OR4Q3: variants seen among roughly 807,000 people sequenced by gnomAD.
OR4Q3 encodes the protein olfactory receptor family 4 subfamily Q member 3, also known as olfactory receptor 4Q3.
A neutral mutation model predicts 18.8 loss-of-function variants in OR4Q3; 17 were observed. The observed-to-expected ratio is 0.91, with a 90% CI of 0.62 to 1.36. The LOEUF is 1.36. OR4Q3 is among the 40% of genes most tolerant of loss of function. The pLI is 0.00. For synonymous variants in OR4Q3, 158 were observed against 145.8 expected (o/e 1.08, Z -0.60); for missense variants, 378 against 373.4 (o/e 1.01, Z -0.10).
chr14:19,746,864 G>A lies in OR4Q3; in HGVS notation c.3-542G>A. Among the ~76,000 whole-genome samples the A allele has an allele frequency of 8.5e-5, 13 of 152,270 alleles. No homozygotes were observed. The East Asian group carries it at 9.6e-4, about 11-fold the overall frequency. On this transcript the variant is annotated intron_variant, in intron 1 of 1. Coordinates refer to ENST00000642117, the Ensembl canonical transcript of OR4Q3. Reference sequence around the variant, plus strand: ...TGCTATGCAGTAAGTATTGTGTTGCGGATACAAAGATGAGTAAGATATTTC... The same window carrying A: ...TGCTATGCAGTAAGTATTGTGTTGCAGATACAAAGATGAGTAAGATATTTC...
downstream of OR4Q3, among the ~76,000 whole-genome samples, chr14:19,750,160 T>C: frequency 6.6e-6 from 1 of 152,090 alleles, no homozygotes; most frequent in Admixed American, 6.6e-5. Context: ...AATTTTTGTA[T>C]TTTTAGTAAA....
At chr14:19,744,004 A>G (rs1594361296) in intron 1 of OR4Q3, among the ~76,000 whole-genome samples, 3 of 152,186 alleles carry the variant, frequency 2.0e-5, no homozygotes, top group African/African-American at 7.2e-5. Flanking sequence ...TAATTCTGCT[A>G]TAGTCCCTTC....
At chr14:19,748,287 T>C in exon 2 of OR4Q3, 1 of 1,613,930 alleles carries the variant, frequency 6.2e-7, no homozygotes. Flanking sequence ...AACCCCCTCA[T>C]CTACACACTC....
chr14:19,750,762 A>T, downstream of OR4Q3, among the ~76,000 whole-genome samples: 1 of 152,250 alleles, frequency 6.6e-6, no homozygotes, highest in Admixed American at 6.5e-5. Flanking sequence ...ACTAGGAACT[A>T]GGCTGCCATT....
chr14:19,748,271 A>C, exon 2 of OR4Q3: 2 of 1,609,558 alleles, frequency 1.2e-6, no homozygotes, highest in Admixed American at 3.4e-5. Context: ...GATTACACCT[A>C]TGTTGAACCC....
chr14:19,747,654 G>A, exon 2 of OR4Q3: 1 of 1,614,092 alleles, frequency 6.2e-7, no homozygotes, highest in Non-Finnish European at 8.5e-7. Context: ...TGCCTGAGCT[G>A]TGTTACTGTG....
chr14:19,747,472 G>T, exon 2 of OR4Q3: 1 of 1,612,364 alleles, frequency 6.2e-7, no homozygotes, highest in Non-Finnish European at 8.5e-7. Context: ...TTGTTCTTCT[G>T]GGCCTATCAT....
chr14:19,748,629 GA>G, exon 2 of OR4Q3: 3 of 452,312 alleles, frequency 6.6e-6, no homozygotes, highest in Admixed American at 7.8e-5. Context: ...AGCATTAATT[GA>G]AAGATCAACT....
intron 1 of OR4Q3, among the ~76,000 whole-genome samples, chr14:19,747,150 AT>A: frequency 6.6e-6 from 1 of 152,228 alleles, no homozygotes; most frequent in South Asian, 2.1e-4. Flanking sequence ...ATTAGCACTT[AT>A]CACCTAATGT....
intron 1 of OR4Q3, among the ~76,000 whole-genome samples, chr14:19,744,867 T>C: frequency 9.4e-4 from 143 of 152,264 alleles, no homozygotes; most frequent in African/African-American, 3.1e-3. Flanking sequence ...ATTGTTCTTT[T>C]CATTCTTCAC....
chr14:19,744,349 CA>C (rs1877382649), intron 1 of OR4Q3, among the ~76,000 whole-genome samples: 1 of 152,118 alleles, frequency 6.6e-6, no homozygotes, highest in Non-Finnish European at 1.5e-5. Context: ...CCACACAGAC[CA>C]AAATAAATAC....
At chr14:19,744,740 A>C in intron 1 of OR4Q3, among the ~76,000 whole-genome samples, 1 of 152,182 alleles carries the variant, frequency 6.6e-6, no homozygotes, top group African/African-American at 2.4e-5. Flanking sequence ...TAATGGGATA[A>C]TGAAGCTGGT....
chr14:19,749,971 CTCTT>C, downstream of OR4Q3, among the ~76,000 whole-genome samples: 1 of 136,574 alleles, frequency 7.3e-6, no homozygotes, highest in South Asian at 2.3e-4. Flanking sequence ...CTCTCTTTCT[CTCTT>C]TCTTTCTTTC....
At chr14:19,750,802 G>A, downstream of OR4Q3, among the ~76,000 whole-genome samples, 1 of 152,224 alleles carries the variant, frequency 6.6e-6, no homozygotes, top group African/African-American at 2.4e-5. Context: ...GTGGGTGAGG[G>A]TGAGAATGAC....
chr14:19,745,911 C>T, intron 1 of OR4Q3, among the ~76,000 whole-genome samples: 1 of 152,104 alleles, frequency 6.6e-6, no homozygotes, highest in Admixed American at 6.6e-5. Context: ...CACCTGTGCA[C>T]TCGGCTATAT....
downstream of OR4Q3, among the ~76,000 whole-genome samples, chr14:19,750,279 C>A: frequency 2.0e-5 from 3 of 152,158 alleles, no homozygotes; most frequent in East Asian, 3.8e-4. Context: ...GCCACGACAC[C>A]CGGCCAGATT....
intron 1 of OR4Q3, among the ~76,000 whole-genome samples, chr14:19,745,065 G>A: frequency 2.0e-5 from 3 of 152,232 alleles, no homozygotes; most frequent in African/African-American, 7.2e-5. Flanking sequence ...AGAATAACCA[G>A]AATCCAGCCC....
At chr14:19,748,141 C>G in exon 2 of OR4Q3, 2 of 1,614,098 alleles carry the variant, frequency 1.2e-6, no homozygotes, top group Non-Finnish European at 8.5e-7. Flanking sequence ...ACAAGGTCTT[C>G]TCTACCTGTG....
At chr14:19,749,780 TTCTC>T, downstream of OR4Q3, among the ~76,000 whole-genome samples, 245 of 111,550 alleles carry the variant, frequency 2.2e-3, 2 homozygotes, top group East Asian at 0.049. Context: ...CTCTTTTTCT[TTCTC>T]TTTCTTTCTT....
Sources: allele counts gnomAD v4.1 joint callset (sites outside exome capture counted in the v4.1 genomes callset), GRCh38; gene constraint gnomAD v4.1.1; transcripts MANE v1.5; gene names NCBI Gene and HGNC (gene_info 2026-07-23, HGNC 2026-07-21).